The following CTDSP2 variants were observed in gnomAD, a reference collection of about 807,000 sequenced individuals.
The protein encoded by CTDSP2 is carboxy-terminal domain RNA polymerase II polypeptide A small phosphatase 2.
Under a neutral mutation model 31.6 loss-of-function variants are expected in CTDSP2, and 9 were observed. The observed-to-expected ratio is 0.28, with a 90% CI of 0.17 to 0.50. The LOEUF (loss-of-function observed/expected upper bound fraction) is 0.50. Among genes scored for constraint, CTDSP2 ranks in the 20% least tolerant of loss-of-function variants. CTDSP2 has a pLI of 0.98. For missense variants in CTDSP2, 267 were observed against 348.5 expected, an observed-to-expected ratio of 0.77 and a Z score of 1.86; for synonymous variants, 134 against 134.5, an observed-to-expected ratio of 1.00 and a Z score of 0.03.
In CTDSP2 at chr12:57,821,775, A is replaced by C. The variant is rs1391060106; in HGVS notation, c.*1827T>G. On this transcript the variant is annotated 3_prime_UTR_variant, in exon 8 of 8. Transcript: ENST00000398073. ...GGGAGTGATGCTGGCGGAAATGGCC[A>C]CATGAGTTCTGGGGACTCTGTTCCA... is the stretch of plus-strand genomic sequence containing the variant. 6.6e-6 allele frequency: 1 copy of C among 152,280 alleles called. No homozygotes were observed. The highest frequency in any genetic ancestry group is 1.5e-5 in the Non-Finnish European group (1 of 68,080). The allele number at this position is 152,280 out of a possible 1,614,324, so 9.4% of individuals were successfully genotyped here.
intron 1 of CTDSP2, among the ~76,000 whole-genome samples, chr12:57,831,141 ATCAACTAGAAAT>A (rs1956213297): frequency 1.3e-5 from 2 of 149,672 alleles, no homozygotes; most frequent in African/African-American, 2.5e-5. Flanking sequence ...GCATTACAGG[ATCAACTAGAAAT>A]GGACTTAAGA....
At chr12:57,838,651 A>C (rs982706351) in intron 1 of CTDSP2, among the ~76,000 whole-genome samples, 84 of 152,258 alleles carry the variant, frequency 5.5e-4, no homozygotes, top group African/African-American at 1.9e-3. Context: ...GTGAGGACAC[A>C]GGACAAAGCA....
chr12:57,821,642 G>T lies in CTDSP2; in HGVS notation c.*1960C>A, dbSNP rs1469954274. 6.6e-6 allele frequency: 1 copy of T among 152,314 alleles called. No homozygotes were observed. 9.4% of individuals were successfully genotyped at this position (152,314 alleles called of 1,614,324 possible). A position where few individuals can be genotyped will look rare whatever the true frequency, so the allele number is the denominator to read the frequency against. Reference sequence around the variant, plus strand: ...GTCAGGCCTTGGGTCCGAAGCCACAGCTGGCTCTAAGAGTCTGAGCTCCTG... The same window carrying T: ...GTCAGGCCTTGGGTCCGAAGCCACATCTGGCTCTAAGAGTCTGAGCTCCTG... On this transcript the variant is annotated 3_prime_UTR_variant, in exon 8 of 8. Transcript: ENST00000398073.
chr12:57,846,210 T>C (rs1276942358), intron 1 of CTDSP2, among the ~76,000 whole-genome samples, 162 bp downstream of exon 1: 2 of 152,168 alleles, frequency 1.3e-5, no homozygotes, highest in Non-Finnish European at 2.9e-5. Flanking sequence ...CACGGAGGTC[T>C]GAGTGCCAGC....
At position 57,823,648 on chromosome 12, in the gene CTDSP2, C is replaced by A; in HGVS notation, c.770G>T (p.Gly257Val). ...NLIPIFEELS[G>V]AEDVYTSLGQ... ...AAGGCTGGTGTAGACGTCCTCTGCT[C>A]CGCTCAGCTCCTCAAAGATTGGGAT... The change falls in exon 8 of 8, where the codon GGA becomes GTA. Residue 257 changes from glycine (G) to valine (V), a missense_variant. Physicochemically the swap from Gly to Val is moderately radical, Grantham distance 109. Transcript: ENST00000398073. 1 of 1,614,108 alleles carries A rather than the reference C, an allele frequency of 6.2e-7. No individual in the cohort carries two copies. Among genetic ancestry groups the A allele is most frequent in the South Asian group, 1.1e-5 (1 of 91,076 alleles).
chr12:57,828,560 A>G (rs1956197406), intron 2 of CTDSP2, among the ~76,000 whole-genome samples: 1 of 152,202 alleles, frequency 6.6e-6, no homozygotes, highest in South Asian at 2.1e-4. Context: ...CTTTTTCCAG[A>G]ATGCTATACA....
Position 57,822,325 on chromosome 12 carries a change from T to C in CTDSP2, c.*1277A>G, listed in dbSNP as rs1956151678. ...CTTTGAAAGCAGGAGACACCCAGAG[T>C]GCAGGTCTGAGGGGCTCACTCACTC... On this transcript the variant is annotated 3_prime_UTR_variant, in exon 8 of 8. Coordinates refer to ENST00000398073, the MANE Select transcript of CTDSP2 (RefSeq NM_005730.4). 5 of 152,064 alleles carry C rather than the reference T, an allele frequency of 3.3e-5. No individual in the cohort carries two copies. The highest frequency in any genetic ancestry group is 3.3e-4 in the Admixed American group (5 of 15,282). 9.4% of individuals were successfully genotyped at this position (152,064 alleles called of 1,614,324 possible). A position where few individuals can be genotyped will look rare whatever the true frequency, so the allele number is the denominator to read the frequency against.
intron 2 of CTDSP2, among the ~76,000 whole-genome samples, chr12:57,828,553 T>C (rs924103213): frequency 2.6e-5 from 4 of 152,378 alleles, no homozygotes; most frequent in Admixed American, 6.5e-5. Context: ...CCGCAGACTT[T>C]TTCCAGAATG....
Position 57,823,904 on chromosome 12 carries a change from T to C in CTDSP2, c.690A>G (p.Ala230=), listed in dbSNP as rs1486327887. The change falls in exon 7 of 8, where the codon GCA becomes GCG. Residue 230 remains alanine, a splice_region_variant and synonymous_variant. Transcript: ENST00000398073. ...PASYIFHPEN[A]VPVQSWFDDM... ...GTGGAGACGCATCAGGAGCACTCAC[T>C]GCATTCTCGGGGTGGAATATGTAAG... 1.2e-6 allele frequency: 2 copies of C among 1,613,922 alleles called. No homozygotes were observed. Among genetic ancestry groups the C allele is most frequent in the Non-Finnish European group, 1.7e-6 (2 of 1,179,962 alleles).
At position 57,823,940 on chromosome 12, in the gene CTDSP2, G is replaced by A. The variant is rs1286735388; in HGVS notation, c.654C>T (p.Asn218=). The change falls in exon 7 of 8, where the codon AAC becomes AAT. Residue 218 remains asparagine, a synonymous_variant. Transcript: ENST00000398073. ...GGTGGAATATGTAAGAAGCAGGCGA[G>A]TTGTCCAGGATGAGGGTCTTTCTCA... ...RDLRKTLILD[N]SPASYIFHPE... is the part of the protein sequence containing the mutation. 5.0e-6 allele frequency: 8 copies of A among 1,614,030 alleles called. No individual in the cohort carries two copies. In the South Asian group the frequency reaches 8.8e-5, roughly 18 times the overall value.
rs1304451667 is a variant in CTDSP2 at position 57,824,042 on chromosome 12, C to G, written c.552G>C (p.Arg184=). 1.2e-6 allele frequency: 2 copies of G among 1,614,080 alleles called. No homozygotes were observed. The highest frequency in any genetic ancestry group is 2.2e-5 in the South Asian group (2 of 91,068). ...CGCAAGACTCACGGAATAGGCGGGC[C>G]CGGAACACCCCACACCGGTCCAGCA... The part of the protein sequence containing the change: ...TDLLDRCGVF[R]ARLFRESCVF... Residue 184 remains arginine, a synonymous_variant, in exon 7 of 8, where the codon CGG becomes CGC. Coordinates refer to ENST00000398073, the MANE Select transcript of CTDSP2 (RefSeq NM_005730.4).
intron 1 of CTDSP2, among the ~76,000 whole-genome samples, chr12:57,839,503 G>T (rs1956268535): frequency 6.6e-6 from 1 of 152,148 alleles, no homozygotes; most frequent in Non-Finnish European, 1.5e-5. Context: ...CGGATCATGA[G>T]GTCAGGAGAT....
intron 5 of CTDSP2, 60 bp from the exon 6 acceptor site, chr12:57,824,379 G>C: frequency 8.1e-7 from 1 of 1,242,228 alleles, no homozygotes; most frequent in Middle Eastern, 1.9e-4. Context: ...TGCAGTACTG[G>C]GTACCTTCAC....
intron 1 of CTDSP2, among the ~76,000 whole-genome samples, chr12:57,844,890 T>C (rs990687041): frequency 1.3e-5 from 2 of 151,522 alleles, no homozygotes; most frequent in Non-Finnish European, 2.9e-5. Flanking sequence ...AGGAACACAC[T>C]GCCTCCCTCC....
At chr12:57,835,477 C>A (rs1253196687) in intron 1 of CTDSP2, among the ~76,000 whole-genome samples, 1 of 152,182 alleles carries the variant, frequency 6.6e-6, no homozygotes, top group East Asian at 1.9e-4. Context: ...ATTCATTGCA[C>A]ATGGTTTCCC....
At chr12:57,831,168 CT>C (rs1287429406) in intron 1 of CTDSP2, among the ~76,000 whole-genome samples, 1 of 148,790 alleles carries the variant, frequency 6.7e-6, no homozygotes. Flanking sequence ...TTAAGAATAT[CT>C]TTTGTGCTGG....
At position 57,821,049 on chromosome 12, in the gene CTDSP2, CCT is replaced by C. The variant is rs777012311; in HGVS notation, c.*2551_*2552del. ...GAGTCTGGGATGAAGCGGCCTCCTC[CCT>C]GTCTTGCCCTCCAAAATTGAGTCTG... On this transcript the variant is annotated 3_prime_UTR_variant, in exon 8 of 8. Transcript: ENST00000398073. The C allele has an allele frequency of 2.6e-5, 4 of 152,210 alleles. No individual in the cohort carries two copies. The highest frequency in any genetic ancestry group is 5.9e-5 in the Non-Finnish European group (4 of 68,042). The allele number at this position is 152,210 out of a possible 1,614,324, so 9.4% of individuals were successfully genotyped here. A position where few individuals can be genotyped will look rare whatever the true frequency, so the allele number is the denominator to read the frequency against.
At chr12:57,831,826 A>G (rs1956217341) in intron 1 of CTDSP2, among the ~76,000 whole-genome samples, 1 of 152,250 alleles carries the variant, frequency 6.6e-6, no homozygotes, top group Non-Finnish European at 1.5e-5. Context: ...GAGGAGGAAG[A>G]CAATGTGGTA....
At chr12:57,839,047 C>G (rs1283571181) in intron 1 of CTDSP2, among the ~76,000 whole-genome samples, 1 of 152,206 alleles carries the variant, frequency 6.6e-6, no homozygotes, top group Non-Finnish European at 1.5e-5. Context: ...CGCACACACA[C>G]ATACACACTC....
Sources: allele counts gnomAD v4.1 joint callset (sites outside exome capture counted in the v4.1 genomes callset), GRCh38; gene constraint gnomAD v4.1.1; transcripts MANE v1.5; gene names NCBI Gene and HGNC (gene_info 2026-07-23, HGNC 2026-07-21).